The following FZD3 variants were observed in gnomAD, a reference collection of about 807,000 sequenced individuals.
FZD3 encodes frizzled-3.
A neutral mutation model predicts 60.7 loss-of-function variants in FZD3; 30 were observed. The ratio of observed to expected loss-of-function variants is 0.49; its 90% CI spans 0.37 to 0.67. The LOEUF (loss-of-function observed/expected upper bound fraction) is 0.67, where lower values mean the gene tolerates loss of function less well. Ranked by LOEUF, FZD3 falls within the 30% of genes least tolerant of loss-of-function variation. The pLI is 0.00. For synonymous variants in FZD3, 246 were observed against 275.2 expected, an observed-to-expected ratio of 0.89 and a Z score of 1.05; for missense variants, 605 against 838.7, an observed-to-expected ratio of 0.72 and a Z score of 3.44.
chr8:28,496,960 A>G (rs1803860714), intron 1 of FZD3, among the ~76,000 whole-genome samples: 1 of 152,192 alleles, frequency 6.6e-6, no homozygotes, highest in African/African-American at 2.4e-5. Flanking sequence ...ATTTAAGAGA[A>G]GCTGGGCTGA....
At position 28,564,789 on chromosome 8, in the gene FZD3, T is replaced by C. The variant is rs922875577; in HGVS notation, c.*1778T>C. 1.3e-5 allele frequency: 2 copies of C among 152,226 alleles called. No homozygotes were observed. The highest frequency in any genetic ancestry group is 4.8e-5 in the African/African-American group (2 of 41,462). The allele number at this position is 152,226 out of a possible 1,614,324, so 9.4% of individuals were successfully genotyped here. A position where few individuals can be genotyped will look rare whatever the true frequency, so the allele number is the denominator to read the frequency against. Reference sequence around the variant, plus strand: ...ACTCTGAAGAGGCCTGGCTCTGCCTTATGCTATTATAGTTTATGACCTTTA... The same window carrying C: ...ACTCTGAAGAGGCCTGGCTCTGCCTCATGCTATTATAGTTTATGACCTTTA... On this transcript the variant is annotated 3_prime_UTR_variant, in exon 8 of 8. Coordinates refer to ENST00000240093, the MANE Select transcript of FZD3 (RefSeq NM_017412.4).
intron 5 of FZD3, among the ~76,000 whole-genome samples, chr8:28,534,382 A>T (rs1475336340): frequency 6.6e-6 from 1 of 152,142 alleles, no homozygotes; most frequent in African/African-American, 2.4e-5. Context: ...GTAAGACCCC[A>T]TTTCTACAAA....
At chr8:28,537,800 T>A (rs953473854) in intron 5 of FZD3, among the ~76,000 whole-genome samples, 1 of 152,200 alleles carries the variant, frequency 6.6e-6, no homozygotes, top group African/African-American at 2.4e-5. Flanking sequence ...AGCCTTTTAC[T>A]CTACTGCATA....
chr8:28,552,647 A>G (rs1464082229), intron 6 of FZD3, among the ~76,000 whole-genome samples: 2 of 152,150 alleles, frequency 1.3e-5, no homozygotes, highest in African/African-American at 4.8e-5. Flanking sequence ...TATATGTAGA[A>G]TGCGCCTTGT....
intron 2 of FZD3, among the ~76,000 whole-genome samples, chr8:28,502,064 T>C (rs778423928): frequency 1.3e-5 from 2 of 152,228 alleles, no homozygotes; most frequent in African/African-American, 4.8e-5. Flanking sequence ...CATTATCTTA[T>C]GATTCACTCA....
At chr8:28,553,678 A>G (rs533391176) in intron 6 of FZD3, among the ~76,000 whole-genome samples, 28 of 152,182 alleles carry the variant, frequency 1.8e-4, no homozygotes, top group Non-Finnish European at 4.0e-4. Context: ...TGGATTCCCA[A>G]CCAACAGTCA....
intron 7 of FZD3, among the ~76,000 whole-genome samples, chr8:28,559,053 C>G (rs540287894): frequency 1.3e-5 from 2 of 151,978 alleles, no homozygotes; most frequent in Non-Finnish European, 2.9e-5. Context: ...CAGATTGGTT[C>G]GTGAAAGTAT....
At chr8:28,517,864 TA>T (rs1490087833) in intron 3 of FZD3, among the ~76,000 whole-genome samples, 1 of 152,194 alleles carries the variant, frequency 6.6e-6, no homozygotes, top group Non-Finnish European at 1.5e-5. Flanking sequence ...CACATTTTTT[TA>T]TTTTTTATTT....
At chr8:28,516,438 G>T (rs188703795) in intron 3 of FZD3, among the ~76,000 whole-genome samples, 2 of 152,176 alleles carry the variant, frequency 1.3e-5, no homozygotes, top group African/African-American at 4.8e-5. Context: ...AACAACAGAA[G>T]GCCGTTGGGA....
rs1337204699 is a variant in FZD3 at position 28,571,816 on chromosome 8, A to T, written c.*8805A>T. ...CTCTAGCCCCAGAAAGAAAAGTTTG[A>T]CAACTCAAAAACGATTAAATTATCT... On this transcript the variant is annotated 3_prime_UTR_variant, in exon 8 of 8. Coordinates refer to ENST00000240093, the MANE Select transcript of FZD3 (RefSeq NM_017412.4). 1 of 152,164 alleles carries T rather than the reference A, an allele frequency of 6.6e-6. No individual in the cohort carries two copies. The highest frequency in any genetic ancestry group is 1.5e-5 in the Non-Finnish European group (1 of 68,008). 9.4% of individuals were successfully genotyped at this position (152,164 alleles called of 1,614,324 possible).
rs140775595 is a variant in FZD3 at position 28,545,777 on chromosome 8, C to A, written c.1405-5826C>A. 5.2e-4 allele frequency among the ~76,000 whole-genome samples: 79 copies of A among 152,246 alleles called. No homozygotes were observed. The East Asian group carries it at 0.013, about 26-fold the overall frequency. Reference sequence around the variant, plus strand: ...TTTACACAGTCATAGATGGCCAGAACAGTGCATATTGGTATATTAAAAAAC... The same window carrying A: ...TTTACACAGTCATAGATGGCCAGAAAAGTGCATATTGGTATATTAAAAAAC... On this transcript the variant is annotated intron_variant, in intron 5 of 7. Coordinates refer to ENST00000240093, the MANE Select transcript of FZD3 (RefSeq NM_017412.4).
Position 28,569,812 on chromosome 8 carries a change from C to T in FZD3, c.*6801C>T, listed in dbSNP as rs961405191. On this transcript the variant is annotated 3_prime_UTR_variant, in exon 8 of 8. Coordinates refer to ENST00000240093, the MANE Select transcript of FZD3 (RefSeq NM_017412.4). ...TAAATTGATACATAGAAAAGAATGA[C>T]ATAACGTTTTGTGGTCTTTGTTCTC... is the stretch of plus-strand genomic sequence containing the variant. 6.6e-6 allele frequency: 1 copy of T among 152,126 alleles called. No individual in the cohort carries two copies. Among genetic ancestry groups the T allele is most frequent in the African/African-American group, 2.4e-5 (1 of 41,442 alleles). 9.4% of individuals were successfully genotyped at this position (152,126 alleles called of 1,614,324 possible).
chr8:28,529,351 T>G (rs2130381288), intron 5 of FZD3, among the ~76,000 whole-genome samples: 1 of 152,320 alleles, frequency 6.6e-6, no homozygotes, highest in African/African-American at 2.4e-5. Flanking sequence ...TTTGTTACTC[T>G]AATACTTTTA....
intron 3 of FZD3, among the ~76,000 whole-genome samples, chr8:28,510,262 G>A (rs765937128): frequency 6.6e-6 from 1 of 152,098 alleles, no homozygotes. Flanking sequence ...AAACAACTGT[G>A]TTTCTGGTCT....
chr8:28,527,765 A>G lies in FZD3; in HGVS notation c.1005A>G (p.Ala335=), dbSNP rs750124182. Residue 335 remains alanine, a synonymous_variant, in exon 5 of 8, where the codon GCA becomes GCG. Transcript: ENST00000240093. This position sits in a 1 kb window ranked among gnomAD's most constrained non-coding sequence, Gnocchi z 5.0. The stretch of plus-strand genomic sequence containing the variant: ...AAGCATTGCTGTTTCACGCCAGTGC[A>G]TGGGGCATCCCCGGAACTCTAACCA... The part of the protein sequence containing the change: ...EKKALLFHAS[A]WGIPGTLTII... The G allele has an allele frequency of 2.5e-6, 4 of 1,614,194 alleles. No individual in the cohort carries two copies. Among genetic ancestry groups the G allele is most frequent in the Non-Finnish European group, 3.4e-6 (4 of 1,180,012 alleles).
chr8:28,529,436 T>C (rs1400116758), intron 5 of FZD3, among the ~76,000 whole-genome samples: 1 of 152,190 alleles, frequency 6.6e-6, no homozygotes, highest in Non-Finnish European at 1.5e-5. Context: ...TACTATACTC[T>C]GAACTCTTCG....
At chr8:28,495,452 G>A (rs1342538006) in intron 1 of FZD3, among the ~76,000 whole-genome samples, 1 of 152,218 alleles carries the variant, frequency 6.6e-6, no homozygotes, top group African/African-American at 2.4e-5. Flanking sequence ...AATGCTTATT[G>A]ATGGGAATTG....
chr8:28,522,877 C>T (rs562157197), intron 4 of FZD3, among the ~76,000 whole-genome samples: 1 of 146,590 alleles, frequency 6.8e-6, no homozygotes, highest in East Asian at 2.1e-4. Flanking sequence ...TCAAGCAATT[C>T]TCCTACCTCA....
At chr8:28,538,041 C>T (rs769503844) in intron 5 of FZD3, among the ~76,000 whole-genome samples, 14 of 151,668 alleles carry the variant, frequency 9.2e-5, no homozygotes, top group East Asian at 1.9e-4. Context: ...CACTTGAACC[C>T]GGGAGGCAGA....
Sources: allele counts gnomAD v4.1 joint callset (sites outside exome capture counted in the v4.1 genomes callset), GRCh38; gene constraint gnomAD v4.1.1; non-coding constraint Gnocchi (gnomAD v3.1); transcripts MANE v1.5; gene names NCBI Gene and HGNC (gene_info 2026-07-23, HGNC 2026-07-21).